The following ATP2A2 variants were observed in gnomAD, a reference collection of about 807,000 sequenced individuals.
The protein encoded by ATP2A2 is sarcoplasmic/endoplasmic reticulum calcium ATPase 2.
A neutral mutation model predicts 109.3 loss-of-function variants in ATP2A2; 14 were observed. The ratio of observed to expected loss-of-function variants is 0.13; its 90% CI spans 0.08 to 0.20. The LOEUF is 0.20. ATP2A2 is among the 10% of genes least tolerant of loss of function. ATP2A2 has a pLI of 1.00. For missense variants in ATP2A2, 657 were observed against 1,321.6 expected (o/e 0.50, Z 7.80); for synonymous variants, 506 against 490.9 (o/e 1.03, Z -0.41).
At chr12:110,313,310 C>CTTTT (rs748790705) in intron 5 of ATP2A2, among the ~76,000 whole-genome samples, 134 of 113,180 alleles carry the variant, frequency 1.2e-3, no homozygotes, top group Non-Finnish European at 1.8e-3. Context: ...ACCACCTTTC[C>CTTTT]TTTTTTTTTT....
chr12:110,332,215 T>C (rs1015661717), intron 8 of ATP2A2: 1 of 288,984 alleles, frequency 3.5e-6, no homozygotes, highest in Non-Finnish European at 6.7e-6. Flanking sequence ...ATTTGAAATT[T>C]GGGATTCTGA....
chr12:110,293,680 G>A lies in ATP2A2; in HGVS notation c.324+1556G>A, dbSNP rs111989872. ...CAAAGTGCTAGGATTACATGCGTGA[G>A]CCACCACGCCCGACACATCTTATAA... On this transcript the variant is annotated intron_variant, in intron 4 of 19. Coordinates refer to ENST00000539276, the MANE Select transcript of ATP2A2 (RefSeq NM_170665.4). Among the ~76,000 whole-genome samples, 230 of 151,876 alleles carry A rather than the reference G, an allele frequency of 1.5e-3. 1 individual carries two copies. The highest frequency in any genetic ancestry group is 5.3e-3 in the African/African-American group (219 of 41,396).
intron 16 of ATP2A2, among the ~76,000 whole-genome samples, chr12:110,344,012 T>G (rs779014775): frequency 6.6e-6 from 1 of 152,158 alleles, no homozygotes; most frequent in Non-Finnish European, 1.5e-5. Flanking sequence ...TGGCATAGAA[T>G]GGAAAGGGTT....
At position 110,322,962 on chromosome 12, in the gene ATP2A2, T is replaced by A. The variant is rs530360224; in HGVS notation, c.464-30T>A. The A allele has an allele frequency of 7.2e-5, 111 of 1,547,980 alleles. 2 individuals carry two copies. The South Asian group carries it at 1.1e-3, about 15-fold the overall frequency. On this transcript the variant is annotated intron_variant, in intron 5 of 19. Coordinates refer to ENST00000539276, the MANE Select transcript of ATP2A2 (RefSeq NM_170665.4). ...ATAACATAGTTTTAAAAGTTGCTCA[T>A]TTCAGCCGCCTTTTTTTTCTCCTAA...
rs1877887432 is a variant in ATP2A2, at chr12:110,327,143, T to G, written c.631-410T>G. 6.6e-6 allele frequency among the ~76,000 whole-genome samples: 1 copy of G among 152,160 alleles called. No individual in the cohort carries two copies. The highest frequency in any genetic ancestry group is 1.5e-5 in the Non-Finnish European group (1 of 68,024). On this transcript the variant is annotated intron_variant, in intron 7 of 19. Transcript: ENST00000539276. The surrounding 1 kb of genome is among the most constrained non-coding windows in gnomAD (Gnocchi z 4.4). The stretch of plus-strand genomic sequence containing the variant: ...TCTTTGGTTTTTGGACCCTGTCACA[T>G]GAGTAGGGGTTGTCAAGATAGCCCA...
intron 5 of ATP2A2, among the ~76,000 whole-genome samples, chr12:110,304,380 G>A (rs973723338): frequency 2.0e-5 from 3 of 152,106 alleles, no homozygotes; most frequent in Non-Finnish European, 2.9e-5. Flanking sequence ...TTTCAGAATG[G>A]TGGTGATATT....
intron 3 of ATP2A2, among the ~76,000 whole-genome samples, chr12:110,284,866 G>A (rs1367266935): frequency 2.0e-5 from 3 of 152,196 alleles, no homozygotes; most frequent in African/African-American, 7.2e-5. Context: ...TCAAGGAATT[G>A]CAGATATAAG....
At chr12:110,337,634 A>C (rs115568508) in intron 11 of ATP2A2, among the ~76,000 whole-genome samples, 10 of 152,328 alleles carry the variant, frequency 6.6e-5, no homozygotes, top group African/African-American at 2.4e-4. Flanking sequence ...CCTAGGTTAG[A>C]TGCTGATGTT....
intron 6 of ATP2A2, among the ~76,000 whole-genome samples, chr12:110,324,558 A>G (rs1304259291): frequency 6.6e-6 from 1 of 151,966 alleles, no homozygotes; most frequent in Non-Finnish European, 1.5e-5. Context: ...AGTGTCTGGG[A>G]TTATAGGCGT....
intron 10 of ATP2A2, 126 bp downstream of exon 10, chr12:110,333,409 C>A: frequency 1.2e-6 from 1 of 853,692 alleles, no homozygotes; most frequent in East Asian, 2.5e-5. Context: ...TTTCCCCCTT[C>A]CATTCAGAAC....
intron 4 of ATP2A2, among the ~76,000 whole-genome samples, chr12:110,294,905 C>G (rs892640712): frequency 1.3e-5 from 2 of 151,184 alleles, no homozygotes; most frequent in African/African-American, 4.9e-5. Context: ...CTGCAGCCTC[C>G]ACCTCCCGGA....
chr12:110,324,650 G>A (rs1276252978), intron 6 of ATP2A2, among the ~76,000 whole-genome samples: 2 of 151,946 alleles, frequency 1.3e-5, no homozygotes, highest in Non-Finnish European at 2.9e-5. Flanking sequence ...TCGAACTCCT[G>A]ATCTCATGAT....
At chr12:110,333,359 T>C in intron 10 of ATP2A2, 76 bp downstream of exon 10, 1 of 1,335,268 alleles carries the variant, frequency 7.5e-7, no homozygotes, top group Non-Finnish European at 1.1e-6. Context: ...AAGTCTAGCC[T>C]GCCTTCCTCC....
At chr12:110,304,795 T>C (rs1367957963) in intron 5 of ATP2A2, among the ~76,000 whole-genome samples, 1 of 152,202 alleles carries the variant, frequency 6.6e-6, no homozygotes, top group Non-Finnish European at 1.5e-5. Flanking sequence ...CTTGTGCTTT[T>C]GGTGTGATGT....
chr12:110,281,680 G>A lies in ATP2A2; in HGVS notation c.-110G>A. The A allele has an allele frequency of 1.5e-6, 1 of 646,006 alleles. No homozygotes were observed. The highest frequency in any genetic ancestry group is 2.3e-6 in the Non-Finnish European group (1 of 426,830). The allele number at this position is 646,006 out of a possible 1,614,324, so 40.0% of individuals were successfully genotyped here. On this transcript the variant is annotated 5_prime_UTR_variant, in exon 1 of 20. Coordinates refer to ENST00000539276, the MANE Select transcript of ATP2A2 (RefSeq NM_170665.4). ...GCGGCCGCAAGAGGAGGAGGGGAGA[G>A]CCCGTCCGCGCCTGGGCTCCCGGGG... is the stretch of plus-strand genomic sequence containing the variant.
chr12:110,328,440 G>A (rs1178624816), intron 8 of ATP2A2, among the ~76,000 whole-genome samples: 2 of 152,184 alleles, frequency 1.3e-5, no homozygotes, highest in South Asian at 2.1e-4. Context: ...GTGGTGGCGT[G>A]CACCTGTAGT....
Position 110,339,868 on chromosome 12 carries a change from C to G in ATP2A2, c.1761+147C>G. 1 of 839,286 alleles carries G rather than the reference C, an allele frequency of 1.2e-6. No homozygotes were observed. Among genetic ancestry groups the G allele is most frequent in the Non-Finnish European group, 1.9e-6 (1 of 525,144 alleles). 52.0% of individuals were successfully genotyped at this position (839,286 alleles called of 1,614,324 possible). A position where few individuals can be genotyped will look rare whatever the true frequency, so the allele number is the denominator to read the frequency against. ...TTTTTCTGCCTGCCAGCTGTGTCAC[C>G]CTTAAAATTTGCTGCTTCAAACATA... On this transcript the variant is annotated intron_variant, in intron 13 of 19. Transcript: ENST00000539276. This position sits in a 1 kb window ranked among gnomAD's most constrained non-coding sequence, Gnocchi z 4.4.
intron 5 of ATP2A2, among the ~76,000 whole-genome samples, chr12:110,320,586 G>A (rs1877135768): frequency 6.6e-6 from 1 of 152,208 alleles, no homozygotes; most frequent in Non-Finnish European, 1.5e-5. Flanking sequence ...TTAGAATATA[G>A]TTACTTTGTT....
At chr12:110,333,420 C>G in intron 10 of ATP2A2, 137 bp downstream of exon 10, 1 of 804,686 alleles carries the variant, frequency 1.2e-6, no homozygotes, top group Non-Finnish European at 2.1e-6. Context: ...CATTCAGAAC[C>G]TGATGGTGGG....
Sources: allele counts gnomAD v4.1 joint callset (sites outside exome capture counted in the v4.1 genomes callset), GRCh38; gene constraint gnomAD v4.1.1; non-coding constraint Gnocchi (gnomAD v3.1); transcripts MANE v1.5; gene names NCBI Gene and HGNC (gene_info 2026-07-23, HGNC 2026-07-21).